The following DPYD variants were observed in gnomAD, a reference collection of about 807,000 sequenced individuals.
The protein encoded by DPYD is dihydropyrimidine dehydrogenase [NADP(+)].
Under a neutral mutation model 116.2 loss-of-function variants are expected in DPYD, and 109 were observed. The ratio of observed to expected loss-of-function variants is 0.94; its 90% CI spans 0.80 to 1.10. DPYD has a LOEUF of 1.10. DPYD is among the 50% of genes least tolerant of loss of function. DPYD has a pLI of 0.00. For synonymous variants in DPYD, 440 were observed against 432.0 expected, an observed-to-expected ratio of 1.02 and a Z score of -0.23; for missense variants, 1,302 against 1,254.5, an observed-to-expected ratio of 1.04 and a Z score of -0.57.
rs74467065 is a variant in DPYD at position 97,838,229 on chromosome 1, T to C, written c.151-10033A>G. ...TATGTTTCTAATACTATCAAGCATT[T>C]CAGAATTCACAAAGATAAAAAAATC... On this transcript the variant is annotated intron_variant, in intron 2 of 22. Transcript: ENST00000370192. Among the ~76,000 whole-genome samples the C allele has an allele frequency of 6.6e-3, 1,005 of 152,240 alleles. 23 individuals are homozygous for C. In the East Asian group the frequency reaches 0.085, roughly 13 times the overall value.
chr1:97,766,701 T>C (rs1426014824), intron 3 of DPYD, among the ~76,000 whole-genome samples: 1 of 152,164 alleles, frequency 6.6e-6, no homozygotes, highest in Non-Finnish European at 1.5e-5. Flanking sequence ...GTTAAGTGTG[T>C]ACAAAGAAGC....
At chr1:97,087,849 C>G (rs1039586980) in intron 21 of DPYD, among the ~76,000 whole-genome samples, 15 of 152,256 alleles carry the variant, frequency 9.9e-5, no homozygotes, top group African/African-American at 3.6e-4. Context: ...TAATAGGAGT[C>G]AAACAGTTCT....
intron 4 of DPYD, among the ~76,000 whole-genome samples, chr1:97,733,573 A>G (rs535398930): frequency 5.9e-5 from 9 of 152,160 alleles, no homozygotes; most frequent in Non-Finnish European, 7.4e-5. Flanking sequence ...AACCTTCCAT[A>G]ATATAAATAT....
chr1:97,651,214 C>A (rs1347675801), intron 8 of DPYD, among the ~76,000 whole-genome samples: 4 of 152,066 alleles, frequency 2.6e-5, no homozygotes, highest in African/African-American at 9.7e-5. Context: ...ACATTTATGT[C>A]TTGGATGATA....
intron 14 of DPYD, among the ~76,000 whole-genome samples, chr1:97,395,505 C>T (rs956650400): frequency 2.6e-5 from 4 of 151,964 alleles, no homozygotes; most frequent in African/African-American, 9.7e-5. Context: ...TCTTTTGATT[C>T]CAAGTTCCTC....
intron 5 of DPYD, among the ~76,000 whole-genome samples, chr1:97,713,050 T>C (rs571083012): frequency 1.3e-5 from 2 of 152,242 alleles, no homozygotes; most frequent in South Asian, 4.1e-4. Flanking sequence ...TCAGTTCACC[T>C]CTTAATTTTT....
At chr1:97,767,606 C>G (rs934557510) in intron 3 of DPYD, among the ~76,000 whole-genome samples, 10 of 152,194 alleles carry the variant, frequency 6.6e-5, no homozygotes, top group African/African-American at 2.4e-4. Flanking sequence ...ATCTACCAGA[C>G]TACTCTACAG....
At chr1:97,147,937 T>C (rs965235196) in intron 20 of DPYD, among the ~76,000 whole-genome samples, 1 of 152,178 alleles carries the variant, frequency 6.6e-6, no homozygotes, top group African/African-American at 2.4e-5. Flanking sequence ...AGTTACAAAG[T>C]GTGTGCACTT....
chr1:97,324,698 C>T (rs1054889276), intron 16 of DPYD, among the ~76,000 whole-genome samples: 3 of 151,972 alleles, frequency 2.0e-5, no homozygotes, highest in African/African-American at 7.2e-5. Context: ...CATCTCTATT[C>T]CTCTATAAAT....
chr1:97,850,796 G>T (rs538965899), intron 2 of DPYD, among the ~76,000 whole-genome samples: 1 of 152,038 alleles, frequency 6.6e-6, no homozygotes. Context: ...GGTGATTTTT[G>T]TACTTCATTG....
intron 18 of DPYD, among the ~76,000 whole-genome samples, chr1:97,285,095 G>T (rs991599387): frequency 3.3e-5 from 5 of 152,262 alleles, no homozygotes; most frequent in East Asian, 3.9e-4. Context: ...CAAGACTAAA[G>T]GTGGAGGGTT....
chr1:97,129,033 C>T (rs1653066152), intron 20 of DPYD, among the ~76,000 whole-genome samples: 2 of 151,538 alleles, frequency 1.3e-5, no homozygotes, highest in Non-Finnish European at 2.9e-5. Flanking sequence ...TTCTTGGAAA[C>T]ATGCAAATAC....
At chr1:97,554,019 T>C (rs931070344) in intron 11 of DPYD, among the ~76,000 whole-genome samples, 3 of 152,126 alleles carry the variant, frequency 2.0e-5, no homozygotes, top group Admixed American at 2.0e-4. Context: ...CACTCTGAGG[T>C]AGCTTTATAA....
chr1:97,210,994 T>C (rs1659997226), intron 19 of DPYD, among the ~76,000 whole-genome samples: 1 of 152,148 alleles, frequency 6.6e-6, no homozygotes, highest in African/African-American at 2.4e-5. Flanking sequence ...CAATACTTTC[T>C]TTATTCACTC....
intron 2 of DPYD, among the ~76,000 whole-genome samples, chr1:97,873,179 T>A (rs1357781933): frequency 1.3e-5 from 2 of 151,944 alleles, no homozygotes; most frequent in African/African-American, 4.8e-5. Flanking sequence ...CCCTTTCCCA[T>A]GACTTATCAC....
At chr1:97,482,831 A>C (rs1286169926) in intron 13 of DPYD, among the ~76,000 whole-genome samples, 2 of 152,080 alleles carry the variant, frequency 1.3e-5, no homozygotes, top group Admixed American at 6.6e-5. Context: ...TCTTTTATAT[A>C]ACCTCTCAAG....
At chr1:97,473,785 T>C (rs1285454543) in intron 13 of DPYD, among the ~76,000 whole-genome samples, 5 of 152,030 alleles carry the variant, frequency 3.3e-5, no homozygotes, top group African/African-American at 1.2e-4. Flanking sequence ...GGTGGGCGGA[T>C]TGCTTGAGCC....
chr1:97,796,479 A>C (rs2101303132), intron 3 of DPYD, among the ~76,000 whole-genome samples: 1 of 152,272 alleles, frequency 6.6e-6, no homozygotes, highest in East Asian at 1.9e-4. Flanking sequence ...GATAGAAGTG[A>C]ACATCCTAAT....
intron 15 of DPYD, among the ~76,000 whole-genome samples, chr1:97,380,805 T>C (rs1671912729): frequency 6.6e-6 from 1 of 152,180 alleles, no homozygotes; most frequent in Admixed American, 6.6e-5. Context: ...GGTTTTTCCA[T>C]TGTAAGGAAA....
Sources: gnomAD v4.1 joint callset for allele counts (sites outside exome capture counted in the v4.1 genomes callset) on GRCh38, gnomAD v4.1.1 for gene constraint, MANE v1.5 for transcripts, NCBI Gene and HGNC (gene_info 2026-07-23, HGNC 2026-07-21) for gene names.